Variants in HYDIN observed in about 807,000 individuals in gnomAD.
The protein encoded by HYDIN is axonemal central pair apparatus protein HYDIN.
Under a neutral mutation model 403.9 loss-of-function variants are expected in HYDIN, and 132 were observed. The observed-to-expected ratio is 0.33, with a 90% CI of 0.28 to 0.38. The LOEUF is 0.38. Among genes scored for constraint, HYDIN ranks in the 10% least tolerant of loss-of-function variants. The probability of loss-of-function intolerance (pLI) is 1.00; values close to 1 mark genes in which losing one functional copy is unlikely to be tolerated. For missense variants in HYDIN, 2,827 were observed against 5,009.5 expected (o/e 0.56, Z 13.15); for synonymous variants, 1,202 against 1,891.7 (o/e 0.64, Z 9.46).
At chr16:70,978,761 C>A (rs1194415368) in intron 30 of HYDIN, among the ~76,000 whole-genome samples, 153 bp downstream of exon 30, 1 of 152,100 alleles carries the variant, frequency 6.6e-6, no homozygotes, top group Non-Finnish European at 1.5e-5. Context: ...ACCTCAGAGA[C>A]CATGTCCTTG....
intron 23 of HYDIN, among the ~76,000 whole-genome samples, chr16:71,005,570 T>A (rs2079867394): frequency 6.6e-6 from 1 of 152,194 alleles, no homozygotes; most frequent in Non-Finnish European, 1.5e-5. Context: ...TCTATGATAT[T>A]TTGTTACGGC....
chr16:70,837,013 T>C (rs2037473527), intron 77 of HYDIN, among the ~76,000 whole-genome samples: 2 of 152,380 alleles, frequency 1.3e-5, no homozygotes, highest in South Asian at 4.1e-4. Context: ...TGCCGAAATA[T>C]GCTATGCATT....
chr16:70,865,430 G>A (rs1333489498), intron 67 of HYDIN: 1 of 375,272 alleles, frequency 2.7e-6, no homozygotes, highest in East Asian at 7.2e-5. Flanking sequence ...TGAGCTCTTT[G>A]AAGGCAGGGC....
chr16:71,067,261 C>G, intron 15 of HYDIN, 29 bp downstream of exon 15: 1 of 1,481,518 alleles, frequency 6.7e-7, no homozygotes, highest in Non-Finnish European at 9.3e-7. Flanking sequence ...GGGGGCGACT[C>G]AGGAGAAGAG....
intron 7 of HYDIN, among the ~76,000 whole-genome samples, chr16:71,149,835 T>A (rs2085470598): frequency 6.6e-6 from 1 of 151,564 alleles, no homozygotes. Flanking sequence ...GCTGAGAAAA[T>A]ATTTTTACAA....
At chr16:70,850,243 T>C (rs2038531605) in intron 74 of HYDIN, among the ~76,000 whole-genome samples, 1 of 136,976 alleles carries the variant, frequency 7.3e-6, no homozygotes, top group Non-Finnish European at 1.5e-5. Flanking sequence ...CCACCATCTC[T>C]CCACCCCCCC....
intron 1 of HYDIN, among the ~76,000 whole-genome samples, chr16:71,229,164 G>C (rs1352233168): frequency 8.0e-6 from 1 of 125,470 alleles, no homozygotes; most frequent in East Asian, 2.9e-4. Flanking sequence ...TGTGGGGTGG[G>C]GGGAGGGGGG....
rs776174074 is a variant in HYDIN at position 70,866,149 on chromosome 16, C to T, written c.11471+20G>A. On this transcript the variant is annotated intron_variant, in intron 67 of 85. Coordinates refer to ENST00000393567, the MANE Select transcript of HYDIN (RefSeq NM_001270974.2). Reference sequence around the variant, plus strand: ...GAAAGAGCTTTTCCATCTAGTATCACGAGACTTTTGATGACTCACTCAAAC... The same window carrying T: ...GAAAGAGCTTTTCCATCTAGTATCATGAGACTTTTGATGACTCACTCAAAC... 2.2e-5 allele frequency: 36 copies of T among 1,607,708 alleles called. No individual in the cohort carries two copies. The Middle Eastern group carries it at 5.0e-4, about 22-fold the overall frequency.
At chr16:70,824,187 G>A (rs1436174787) in intron 83 of HYDIN, among the ~76,000 whole-genome samples, 1 of 146,790 alleles carries the variant, frequency 6.8e-6, no homozygotes, top group Non-Finnish European at 1.5e-5. Context: ...ATTACTGTAA[G>A]GAGACTGGTG....
At chr16:71,070,314 TTTC>T (rs1305794226) in intron 13 of HYDIN, among the ~76,000 whole-genome samples, 2 of 149,276 alleles carry the variant, frequency 1.3e-5, no homozygotes, top group Non-Finnish European at 3.0e-5. Flanking sequence ...CCTTCCTTCC[TTTC>T]TTTCTTTTTT....
In HYDIN at chr16:70,850,567, C is replaced by A. The variant is rs748734745; in HGVS notation, c.12532G>T (p.Val4178Leu). The change falls in exon 74 of 86, where the codon GTG becomes TTG. Residue 4178 changes from valine to leucine, a missense_variant. By Grantham distance (32) the Val-to-Leu change is conservative (BLOSUM62 1). Coordinates refer to ENST00000393567, the MANE Select transcript of HYDIN (RefSeq NM_001270974.2). ...ICNVEKKVHP[V>L]TLNVKAEGYT... ...CCCTCGGCCTTGACATTTAATGTCA[C>A]AGGGTGGACTTTCTTTTCCACATTG... 6.2e-7 allele frequency: 1 copy of A among 1,613,624 alleles called. No homozygotes were observed. The highest frequency in any genetic ancestry group is 1.1e-5 in the South Asian group (1 of 91,048).
At chr16:71,149,456 T>C (rs1280206177) in intron 7 of HYDIN, among the ~76,000 whole-genome samples, 1 of 151,646 alleles carries the variant, frequency 6.6e-6, no homozygotes, top group Non-Finnish European at 1.5e-5. Context: ...AAAACATATG[T>C]ATATCTGCAC....
intron 42 of HYDIN, among the ~76,000 whole-genome samples, chr16:70,942,481 G>C (rs924076916): frequency 1.3e-5 from 2 of 152,200 alleles, no homozygotes; most frequent in Admixed American, 6.5e-5. Context: ...CAGGCAGCAG[G>C]GGGAGCAGCT....
chr16:71,020,187 G>A lies in HYDIN; in HGVS notation c.3317C>T (p.Pro1106Leu), dbSNP rs552119971. ...FICETDKSLL[P>L]ATPEPIKLEI... ...CTATTAAGGTACCTCAGGAGTTGCC[G>A]GCAGCAGGGATTTATCAGTCTCACA... Residue 1106 changes from proline to leucine, a missense_variant, in exon 22 of 86, where the codon CCG (proline) becomes CTG (leucine). By Grantham distance (98) the Pro-to-Leu change is moderately conservative. Coordinates refer to ENST00000393567, the MANE Select transcript of HYDIN (RefSeq NM_001270974.2). The A allele has an allele frequency of 1.8e-4, 290 of 1,613,660 alleles. No homozygotes were observed. The highest frequency in any genetic ancestry group is 2.4e-4 in the Non-Finnish European group (282 of 1,179,918).
chr16:71,151,222 G>C (rs2085525014), intron 7 of HYDIN, among the ~76,000 whole-genome samples: 1 of 152,122 alleles, frequency 6.6e-6, no homozygotes, highest in Admixed American at 6.6e-5. Flanking sequence ...TCTCTTGCTA[G>C]CAGCCAACGA....
chr16:71,067,367 C>T lies in HYDIN; in HGVS notation c.1998G>A (p.Val666=), dbSNP rs10735134. The change falls in exon 15 of 86, where the codon GTG becomes GTA. Residue 666 remains valine, a synonymous_variant. Transcript: ENST00000393567. ...AIRVTLCSNT[V]QKYELALVVD... The stretch of plus-strand genomic sequence containing the variant: ...CCACGAGTGCCAGCTCGTATTTCTG[C>T]ACAGTGTTGGAGCATAATGTCACCT... 4.1e-5 allele frequency: 66 copies of T among 1,611,812 alleles called. No individual in the cohort carries two copies. The highest frequency in any genetic ancestry group is 3.3e-4 in the Middle Eastern group (2 of 6,046).
chr16:70,967,736 T>A (rs2078623731), intron 36 of HYDIN, among the ~76,000 whole-genome samples: 1 of 151,406 alleles, frequency 6.6e-6, no homozygotes, highest in South Asian at 2.1e-4. Flanking sequence ...TCCACCCGCC[T>A]TGGCCTCCCA....
chr16:71,171,524 C>G (rs1489351359), intron 5 of HYDIN, among the ~76,000 whole-genome samples: 1 of 152,160 alleles, frequency 6.6e-6, no homozygotes, highest in Non-Finnish European at 1.5e-5. Context: ...TAATATTATT[C>G]ATTTGTAATC....
At chr16:70,902,341 G>A (rs1296097866) in intron 52 of HYDIN, among the ~76,000 whole-genome samples, 1 of 139,528 alleles carries the variant, frequency 7.2e-6, no homozygotes, top group Non-Finnish European at 1.5e-5. Flanking sequence ...CAGGCACAGT[G>A]GCTCAGCCTG....
Sources: gnomAD v4.1 joint callset for allele counts (sites outside exome capture counted in the v4.1 genomes callset) on GRCh38, gnomAD v4.1.1 for gene constraint, MANE v1.5 for transcripts, NCBI Gene and HGNC (gene_info 2026-07-23, HGNC 2026-07-21) for gene names.